PHACTR3: variants seen among roughly 807,000 people sequenced by gnomAD.
PHACTR3 encodes protein phosphatase 1, regulatory subunit 123.
Under a neutral mutation model 66.8 loss-of-function variants are expected in PHACTR3, and 16 were observed. That is an observed-to-expected ratio of 0.24 (90% CI 0.16 to 0.36). The LOEUF (loss-of-function observed/expected upper bound fraction) is 0.36. PHACTR3 is among the 10% of genes least tolerant of loss of function. The pLI, the probability that PHACTR3 is intolerant of heterozygous loss-of-function variation, is 1.00. For synonymous variants in PHACTR3, 323 were observed against 292.1 expected (o/e 1.11, Z -1.08); for missense variants, 647 against 719.9 (o/e 0.90, Z 1.16).
intron 1 of PHACTR3, among the ~76,000 whole-genome samples, chr20:59,591,252 G>A (rs986588529): frequency 6.6e-6 from 1 of 152,018 alleles, no homozygotes; most frequent in Non-Finnish European, 1.5e-5. Flanking sequence ...CTCTCCGAAG[G>A]CACCTGCTCC....
At chr20:59,752,001 C>A (rs1157927998) in intron 3 of PHACTR3, among the ~76,000 whole-genome samples, 1 of 152,156 alleles carries the variant, frequency 6.6e-6, no homozygotes, top group Non-Finnish European at 1.5e-5. Context: ...GTTGACTTGG[C>A]ATTTTCTTAA....
chr20:59,838,062 G>A (rs2058995338), intron 9 of PHACTR3, among the ~76,000 whole-genome samples: 1 of 152,194 alleles, frequency 6.6e-6, no homozygotes, highest in African/African-American at 2.4e-5. Context: ...GTGCATGAAA[G>A]GGAAAATGGG....
At chr20:59,810,725 G>A (rs2147014745) in intron 8 of PHACTR3, among the ~76,000 whole-genome samples, 1 of 152,308 alleles carries the variant, frequency 6.6e-6, no homozygotes, top group African/African-American at 2.4e-5. Context: ...ACACATCCGT[G>A]TGCTTGGTCT....
chr20:59,674,691 TC>T lies in PHACTR3; in HGVS notation c.119-68414del. Among the ~76,000 whole-genome samples the T allele has an allele frequency of 7.3e-5, 8 of 109,408 alleles. No homozygotes were observed. The East Asian group carries it at 9.8e-4, about 13-fold the overall frequency. The allele number at this position is 109,408 out of a possible 152,430, so 71.8% of individuals were successfully genotyped here. On this transcript the variant is annotated intron_variant, in intron 1 of 12. Transcript: ENST00000371015. ...TTCTCCTCTTCCCACCTTCTCCTGT[TC>T]CTGCCTTCTCCTGTCCCCCCTTCTC... is the stretch of plus-strand genomic sequence containing the variant.
At position 59,604,823 on chromosome 20, in the gene PHACTR3, C is replaced by T. The variant is rs2033599058; in HGVS notation, c.-192C>T. On this transcript the variant is annotated 5_prime_UTR_variant, in exon 1 of 13. Coordinates refer to ENST00000371015, the MANE Select transcript of PHACTR3 (RefSeq NM_080672.5). ...GCTGCAGCCGGCGAGGCTATTGTCT[C>T]CCCGCCCTGAAGCCAGCCCCGGCGT... 1 of 1,212,226 alleles carries T rather than the reference C, an allele frequency of 8.2e-7. No individual in the cohort carries two copies. Among genetic ancestry groups the T allele is most frequent in the South Asian group, 4.3e-5 (1 of 23,388 alleles). The allele number at this position is 1,212,226 out of a possible 1,614,324, so 75.1% of individuals were successfully genotyped here.
At chr20:59,714,501 G>A (rs779145549) in intron 1 of PHACTR3, among the ~76,000 whole-genome samples, 4 of 152,168 alleles carry the variant, frequency 2.6e-5, no homozygotes, top group South Asian at 4.1e-4. Flanking sequence ...AGTACACTGC[G>A]TGGGTCTATT....
In PHACTR3 at chr20:59,829,455, T is replaced by C. The variant is rs1478499066; in HGVS notation, c.1329-7050T>C. Among the ~76,000 whole-genome samples, 2 of 152,202 alleles carry C rather than the reference T, an allele frequency of 1.3e-5. No homozygotes were observed. The highest frequency in any genetic ancestry group is 4.8e-5 in the African/African-American group (2 of 41,462). On this transcript the variant is annotated intron_variant, in intron 8 of 12. Coordinates refer to ENST00000371015, the MANE Select transcript of PHACTR3 (RefSeq NM_080672.5). This position sits in a 1 kb window ranked among gnomAD's most constrained non-coding sequence, Gnocchi z 4.2. ...CTCTCCAGACACACCCACATTGCTCTGACGCTCTGAGACATAGGGTCAATG... is the reference window on the plus strand; with the variant it reads ...CTCTCCAGACACACCCACATTGCTCCGACGCTCTGAGACATAGGGTCAATG...
Position 59,830,097 on chromosome 20 carries a change from C to T in PHACTR3, c.1329-6408C>T, listed in dbSNP as rs939154498. On this transcript the variant is annotated intron_variant, in intron 8 of 12. Coordinates refer to ENST00000371015, the MANE Select transcript of PHACTR3 (RefSeq NM_080672.5). This position sits in a 1 kb window ranked among gnomAD's most constrained non-coding sequence, Gnocchi z 5.8. ...TGGTACAAACTTGGCACTGAGACGG[C>T]GTCTGATGGGAGAAGAGGGGGTGTC... Among the ~76,000 whole-genome samples, 12 of 152,034 alleles carry T rather than the reference C, an allele frequency of 7.9e-5. No homozygotes were observed. Among genetic ancestry groups the T allele is most frequent in the East Asian group, 3.9e-4 (2 of 5,180 alleles).
At chr20:59,714,336 C>T (rs2038016462) in intron 1 of PHACTR3, among the ~76,000 whole-genome samples, 1 of 152,110 alleles carries the variant, frequency 6.6e-6, no homozygotes, top group Admixed American at 6.5e-5. Context: ...TTGTTTTGCT[C>T]TGAAATTTGG....
At chr20:59,595,023 A>T (rs2033284021) in intron 1 of PHACTR3, among the ~76,000 whole-genome samples, 1 of 152,152 alleles carries the variant, frequency 6.6e-6, no homozygotes, top group African/African-American at 2.4e-5. Context: ...TTAAAATTTC[A>T]CTCGAGATTT....
At chr20:59,780,439 C>T (rs2040685238) in intron 7 of PHACTR3, among the ~76,000 whole-genome samples, 1 of 152,172 alleles carries the variant, frequency 6.6e-6, no homozygotes, top group Non-Finnish European at 1.5e-5. Flanking sequence ...TTTGGCAAGG[C>T]CCCACTTTCT....
At chr20:59,582,815 G>A (rs1017136274) in intron 1 of PHACTR3, among the ~76,000 whole-genome samples, 2 of 152,010 alleles carry the variant, frequency 1.3e-5, no homozygotes, top group Non-Finnish European at 2.9e-5. Flanking sequence ...TCTGGAACCC[G>A]ATCCTCCGCT....
At chr20:59,684,484 GCTCCTGTA>G (rs1421390643) in intron 1 of PHACTR3, among the ~76,000 whole-genome samples, 1 of 152,172 alleles carries the variant, frequency 6.6e-6, no homozygotes. Flanking sequence ...AGGCAAGGAT[GCTCCTGTA>G]CTTTTTGCCT....
chr20:59,748,196 C>T (rs1479183301), intron 3 of PHACTR3, among the ~76,000 whole-genome samples: 1 of 152,096 alleles, frequency 6.6e-6, no homozygotes, highest in Non-Finnish European at 1.5e-5. Flanking sequence ...ACATTTCAGT[C>T]CTCCATTTGG....
chr20:59,741,668 C>T (rs1215919019), intron 1 of PHACTR3, among the ~76,000 whole-genome samples: 4 of 152,108 alleles, frequency 2.6e-5, no homozygotes, highest in Admixed American at 6.5e-5. Flanking sequence ...AAGGGACACA[C>T]GGCTTGTGCT....
At chr20:59,628,660 C>T (rs923373451) in intron 1 of PHACTR3, 1 of 985,338 alleles carries the variant, frequency 1.0e-6, no homozygotes, top group Non-Finnish European at 1.2e-6. Flanking sequence ...ATTCTCCTGA[C>T]TCCTGGTTGG....
chr20:59,667,353 C>T (rs1180038773), intron 1 of PHACTR3, among the ~76,000 whole-genome samples: 1 of 152,262 alleles, frequency 6.6e-6, no homozygotes, highest in African/African-American at 2.4e-5. Flanking sequence ...ACCTGGGCTG[C>T]TTTGCCACAG....
chr20:59,611,501 G>A (rs902904799), intron 1 of PHACTR3, among the ~76,000 whole-genome samples: 1 of 152,250 alleles, frequency 6.6e-6, no homozygotes, highest in African/African-American at 2.4e-5. Context: ...CCAGGCAGGA[G>A]TCATGGGACC....
intron 1 of PHACTR3, among the ~76,000 whole-genome samples, chr20:59,742,862 G>A (rs1319105750): frequency 1.3e-5 from 2 of 152,166 alleles, no homozygotes; most frequent in Non-Finnish European, 2.9e-5. Flanking sequence ...GTCATATGGC[G>A]GAAGGCGAAG....
Sources: allele counts gnomAD v4.1 joint callset (sites outside exome capture counted in the v4.1 genomes callset), GRCh38; gene constraint gnomAD v4.1.1; non-coding constraint Gnocchi (gnomAD v3.1); transcripts MANE v1.5; gene names NCBI Gene and HGNC (gene_info 2026-07-23, HGNC 2026-07-21).